The following DENND10 variants were observed in gnomAD, a reference collection of about 807,000 sequenced individuals.
The protein encoded by DENND10 is DENN domain-containing protein 10.
Under a neutral mutation model 43.6 loss-of-function variants are expected in DENND10, and 24 were observed. The ratio of observed to expected loss-of-function variants is 0.55; its 90% CI spans 0.40 to 0.77. The LOEUF (loss-of-function observed/expected upper bound fraction) is 0.77. Among genes scored for constraint, DENND10 ranks in the 30% least tolerant of loss-of-function variants. The probability of loss-of-function intolerance (pLI) is 0.00; values close to 1 mark genes in which losing one functional copy is unlikely to be tolerated. For synonymous variants in DENND10, 125 were observed against 157.6 expected (o/e 0.79, Z 1.55); for missense variants, 303 against 429.9 (o/e 0.70, Z 2.61).
chr10:119,120,090 A>T (rs181398677), intron 4 of DENND10, among the ~76,000 whole-genome samples: 71 of 138,320 alleles, frequency 5.1e-4, no homozygotes, highest in Admixed American at 2.5e-3. Context: ...TCTACTAAAA[A>T]TACAAATATT....
chr10:119,125,168 C>T (rs1432096163), intron 6 of DENND10, among the ~76,000 whole-genome samples: 2 of 151,894 alleles, frequency 1.3e-5, no homozygotes, highest in African/African-American at 4.8e-5. Flanking sequence ...GACAGGGTTT[C>T]TCCACGTTGG....
At chr10:119,133,463 CTGTT>C (rs1309056879) in intron 8 of DENND10, 11 of 152,278 alleles carry the variant, frequency 7.2e-5, no homozygotes, top group African/African-American at 2.7e-4. Context: ...TTCTTGAGCT[CTGTT>C]TGTTAGGCAT....
chr10:119,106,957 G>A (rs1844724899), intron 1 of DENND10, among the ~76,000 whole-genome samples: 1 of 152,068 alleles, frequency 6.6e-6, no homozygotes, highest in Non-Finnish European at 1.5e-5. Context: ...GGCTGAAGCA[G>A]GAGAATAGCT....
rs71480780 is a variant in DENND10, at chr10:119,117,975, A to C, written c.481+308A>C. Among the ~76,000 whole-genome samples, 8 of 152,264 alleles carry C rather than the reference A, an allele frequency of 5.3e-5. No individual in the cohort carries two copies. The East Asian group carries it at 1.3e-3, about 26-fold the overall frequency. ...GACGAGACTCCGTCTCAAAAAAAAAACAAAAAACAAAAAAAAGAAGGTAAA... is the reference window on the plus strand; with the variant it reads ...GACGAGACTCCGTCTCAAAAAAAAACCAAAAAACAAAAAAAAGAAGGTAAA... On this transcript the variant is annotated intron_variant, in intron 4 of 8. Transcript: ENST00000361432.
chr10:119,126,685 G>A (rs56389955), intron 6 of DENND10, among the ~76,000 whole-genome samples: 9,947 of 151,952 alleles, frequency 0.065, 845 homozygotes, highest in African/African-American at 0.19. Context: ...GGCTGGTCTC[G>A]AACTCCTGAC....
At chr10:119,117,411 C>T (rs1378149839) in intron 3 of DENND10, 108 bp from the exon 4 acceptor site, 40 of 1,145,922 alleles carry the variant, frequency 3.5e-5, no homozygotes, top group Non-Finnish European at 4.7e-5. Flanking sequence ...AGGGCAGTAG[C>T]AAGGTGGCCT....
At chr10:119,106,513 A>AT (rs1327746852) in intron 1 of DENND10, among the ~76,000 whole-genome samples, 6 of 149,910 alleles carry the variant, frequency 4.0e-5, no homozygotes, top group South Asian at 2.1e-4. Context: ...GCTAATTAAA[A>AT]TTTTTTTTTT....
At chr10:119,128,371 A>G (rs988593306) in intron 6 of DENND10, among the ~76,000 whole-genome samples, 7 of 152,120 alleles carry the variant, frequency 4.6e-5, no homozygotes, top group Admixed American at 6.6e-5. Flanking sequence ...GCGCTTTGGA[A>G]GGCTGAGGCA....
intron 8 of DENND10, chr10:119,134,823 CA>C: frequency 6.6e-6 from 1 of 152,214 alleles, no homozygotes; most frequent in South Asian, 2.1e-4. Context: ...ATCAAGTTAC[CA>C]TATGATTTAG....
intron 3 of DENND10, among the ~76,000 whole-genome samples, chr10:119,112,338 A>G (rs117161814): frequency 0.012 from 1,843 of 152,282 alleles, 17 homozygotes; most frequent in Non-Finnish European, 0.019. Flanking sequence ...CCGAAGCACA[A>G]TAACACATTT....
intron 2 of DENND10, 129 bp downstream of exon 2, chr10:119,108,293 G>C (rs1844796423): frequency 1.4e-6 from 1 of 709,588 alleles, no homozygotes. Context: ...GACCATCCTG[G>C]CCAGCAAGGT....
At chr10:119,121,346 A>G (rs1161225857) in intron 5 of DENND10, among the ~76,000 whole-genome samples, 4 of 147,938 alleles carry the variant, frequency 2.7e-5, no homozygotes, top group South Asian at 4.3e-4. Flanking sequence ...GGGTCTCACT[A>G]TGTTGGCCAG....
intron 6 of DENND10, among the ~76,000 whole-genome samples, chr10:119,129,134 T>G (rs995788704): frequency 6.6e-6 from 1 of 152,186 alleles, no homozygotes; most frequent in Non-Finnish European, 1.5e-5. Flanking sequence ...ATGATGCCAT[T>G]TCCACTCTGA....
intron 1 of DENND10, 75 bp from the exon 2 acceptor site, chr10:119,107,893 T>C (rs992302204): frequency 7.5e-7 from 1 of 1,338,070 alleles, no homozygotes; most frequent in East Asian, 2.3e-5. Flanking sequence ...TTCCACTAAG[T>C]GTTTCTGAGT....
rs746252091 is a variant in DENND10 at position 119,108,017 on chromosome 10, G to A, written c.105G>A (p.Thr35=). ...EVLWVWCYPS[T]TATLRNLLLR... is the part of the protein sequence containing the mutation. ...TGTGGGTGTGGTGTTATCCTTCCAC[G>A]ACAGCCACATTAAGGAACCTGCTGC... The change falls in exon 2 of 9, where the codon ACG becomes ACA. Residue 35 remains threonine, a synonymous_variant. Coordinates refer to ENST00000361432, the MANE Select transcript of DENND10 (RefSeq NM_207009.4). The A allele has an allele frequency of 6.2e-6, 10 of 1,613,584 alleles. No individual in the cohort carries two copies. Among genetic ancestry groups the A allele is most frequent in the East Asian group, 2.2e-5 (1 of 44,894 alleles).
At chr10:119,135,008 A>G (rs1025437067) in intron 8 of DENND10, 25 of 151,930 alleles carry the variant, frequency 1.6e-4, no homozygotes, top group Non-Finnish European at 3.2e-4. Flanking sequence ...TACTAAAAAT[A>G]CAAAAATTAG....
In DENND10 at chr10:119,132,353, C is replaced by A. The variant is rs1247705424; in HGVS notation, c.803-162C>A. 1.3e-5 allele frequency among the ~76,000 whole-genome samples: 2 copies of A among 152,088 alleles called. No individual in the cohort carries two copies. The highest frequency in any genetic ancestry group is 2.9e-5 in the Non-Finnish European group (2 of 68,038). ...TCACGATTATATTATGCCTTTCCTCCCAGCATGTTGTCATATTTGTGTCTA... is the reference window on the plus strand; with the variant it reads ...TCACGATTATATTATGCCTTTCCTCACAGCATGTTGTCATATTTGTGTCTA... On this transcript the variant is annotated intron_variant, in intron 7 of 8. Transcript: ENST00000361432. This position sits in a 1 kb window ranked among gnomAD's most constrained non-coding sequence, Gnocchi z 4.2.
intron 4 of DENND10, among the ~76,000 whole-genome samples, chr10:119,118,560 G>A (rs1589727551): frequency 1.3e-5 from 2 of 152,244 alleles, no homozygotes; most frequent in South Asian, 4.1e-4. Context: ...CTTTCCTTTT[G>A]ATCCCGCTGT....
chr10:119,113,365 T>A (rs934123431), intron 3 of DENND10, among the ~76,000 whole-genome samples: 115 of 151,508 alleles, frequency 7.6e-4, no homozygotes, highest in African/African-American at 2.5e-3. Context: ...AATTAAAAAA[T>A]ATATATATAT....
Sources: allele counts gnomAD v4.1 joint callset (sites outside exome capture counted in the v4.1 genomes callset), GRCh38; gene constraint gnomAD v4.1.1; non-coding constraint Gnocchi (gnomAD v3.1); transcripts MANE v1.5; gene names NCBI Gene and HGNC (gene_info 2026-07-23, HGNC 2026-07-21).